AKAP7: variants seen among roughly 807,000 people sequenced by gnomAD.
The protein encoded by AKAP7 is A-kinase anchoring protein 7.
In AKAP7, 39 loss-of-function variants were observed where a neutral mutation model predicts 39.5. The observed-to-expected ratio is 0.99, with a 90% CI of 0.76 to 1.29. AKAP7 has a LOEUF of 1.29. AKAP7 is among the 50% of genes most tolerant of loss of function. The pLI, the probability that AKAP7 is intolerant of heterozygous loss-of-function variation, is 0.00. For missense variants in AKAP7, 414 were observed against 407.7 expected (o/e 1.02, Z -0.13); for synonymous variants, 140 against 139.1 (o/e 1.01, Z -0.05).
At chr6:131,207,517 T>TTTTTTTTTTTTTTTTTTTA (rs1367120493) in intron 6 of AKAP7, among the ~76,000 whole-genome samples, 3 of 141,564 alleles carry the variant, frequency 2.1e-5, no homozygotes, top group African/African-American at 8.2e-5. Flanking sequence ...TTTTTTTTTT[T>TTTTTTTTTTTTTTTTTTTA]AGATATGGGG....
chr6:131,203,891 A>T (rs574203513), intron 6 of AKAP7, among the ~76,000 whole-genome samples: 40 of 152,310 alleles, frequency 2.6e-4, no homozygotes, highest in African/African-American at 9.4e-4. Flanking sequence ...CTTTGGGTGG[A>T]TATGCCAGTA....
intron 4 of AKAP7, among the ~76,000 whole-genome samples, chr6:131,167,159 C>G (rs1399644076): frequency 6.6e-6 from 1 of 152,124 alleles, no homozygotes; most frequent in Non-Finnish European, 1.5e-5. Context: ...ATACTTTTTA[C>G]TTACTTTACC....
intron 7 of AKAP7, among the ~76,000 whole-genome samples, chr6:131,222,217 C>T (rs1809760603): frequency 6.6e-6 from 1 of 152,202 alleles, no homozygotes; most frequent in South Asian, 2.1e-4. Flanking sequence ...GAAGTAACTG[C>T]AGATGTGATA....
intron 5 of AKAP7, among the ~76,000 whole-genome samples, chr6:131,187,341 C>T (rs1476532014): frequency 6.6e-6 from 1 of 151,936 alleles, no homozygotes; most frequent in Non-Finnish European, 1.5e-5. Context: ...TCTTTCACCT[C>T]CTTGGTTAAG....
chr6:131,198,596 T>C (rs1022531792), intron 5 of AKAP7, among the ~76,000 whole-genome samples: 1 of 152,180 alleles, frequency 6.6e-6, no homozygotes, highest in Non-Finnish European at 1.5e-5. Context: ...AAGACTGTTC[T>C]TTTTACCTAA....
At chr6:131,252,044 GCT>G (rs1271206481) in intron 7 of AKAP7, among the ~76,000 whole-genome samples, 1 of 152,186 alleles carries the variant, frequency 6.6e-6, no homozygotes, top group East Asian at 1.9e-4. Context: ...CTGCTCTCCT[GCT>G]CTGTTTCTCT....
chr6:131,245,759 G>A (rs1037477500), intron 7 of AKAP7, among the ~76,000 whole-genome samples: 1 of 152,056 alleles, frequency 6.6e-6, no homozygotes, highest in South Asian at 2.1e-4. Flanking sequence ...CTCTTTTATA[G>A]TTAAAGGTAT....
At position 131,145,481 on chromosome 6, in the gene AKAP7, A is replaced by T. The variant is rs538000961; in HGVS notation, c.151+65A>T. The T allele has an allele frequency of 5.3e-3, 5,855 of 1,094,848 alleles. 24 individuals carry two copies. Among genetic ancestry groups the T allele is most frequent in the Non-Finnish European group, 6.6e-3 (5,471 of 832,902 alleles). 67.8% of individuals were successfully genotyped at this position (1,094,848 alleles called of 1,614,324 possible). Reference sequence around the variant, plus strand: ...GAGTAGTAAATTTAGTTATATATATATTTTTTTCTTTATAAGTTGTTTCAC... The same window carrying T: ...GAGTAGTAAATTTAGTTATATATATTTTTTTTTCTTTATAAGTTGTTTCAC... On this transcript the variant is annotated intron_variant, in intron 2 of 7. Coordinates refer to ENST00000431975, the MANE Select transcript of AKAP7 (RefSeq NM_016377.4).
At chr6:131,241,403 G>A (rs1384299788) in intron 7 of AKAP7, among the ~76,000 whole-genome samples, 1 of 152,002 alleles carries the variant, frequency 6.6e-6, no homozygotes, top group African/African-American at 2.4e-5. Context: ...CAGATTTGGG[G>A]TTTAGACAAC....
intron 2 of AKAP7, among the ~76,000 whole-genome samples, chr6:131,157,010 C>T (rs996224554): frequency 3.3e-5 from 5 of 151,946 alleles, no homozygotes; most frequent in African/African-American, 9.7e-5. Context: ...CTCCTGACCT[C>T]GTGATCCGCC....
upstream of AKAP7, among the ~76,000 whole-genome samples, chr6:131,134,274 G>T (rs924170556): frequency 6.6e-6 from 1 of 152,158 alleles, no homozygotes; most frequent in Admixed American, 6.5e-5. Context: ...GCCCGGCCTG[G>T]TAAAGCTTTA....
chr6:131,201,876 C>G (rs1397339098), intron 6 of AKAP7, among the ~76,000 whole-genome samples: 1 of 152,122 alleles, frequency 6.6e-6, no homozygotes. Flanking sequence ...TTGTTTTTCT[C>G]AGGTTTGTCA....
intron 7 of AKAP7, among the ~76,000 whole-genome samples, chr6:131,242,662 T>G (rs1408283955): frequency 1.3e-5 from 2 of 152,116 alleles, no homozygotes; most frequent in African/African-American, 2.4e-5. Context: ...TTCACTGTGA[T>G]AAAGTGGGCC....
intron 5 of AKAP7, among the ~76,000 whole-genome samples, chr6:131,184,169 C>T (rs1221355748): frequency 6.6e-6 from 1 of 152,216 alleles, no homozygotes. Flanking sequence ...AGAGCTGCCA[C>T]ATCAGCTTGT....
At chr6:131,240,919 C>T (rs1338627189) in intron 7 of AKAP7, among the ~76,000 whole-genome samples, 1 of 152,160 alleles carries the variant, frequency 6.6e-6, no homozygotes, top group Admixed American at 6.6e-5. Context: ...CTGTCCTGCA[C>T]CCACTGTCCT....
At chr6:131,137,306 G>GA (rs1308551671) in intron 1 of AKAP7, 1 of 151,876 alleles carries the variant, frequency 6.6e-6, no homozygotes, top group Non-Finnish European at 1.5e-5. Flanking sequence ...TCACAAAATT[G>GA]AGTAGTCATT....
chr6:131,278,312 A>G (rs976702160), intron 7 of AKAP7, among the ~76,000 whole-genome samples: 15 of 152,336 alleles, frequency 9.8e-5, no homozygotes, highest in Non-Finnish European at 1.3e-4. Flanking sequence ...AATTAAGAAA[A>G]AAACCCAGTG....
At chr6:131,221,899 AT>A (rs1393904580) in intron 7 of AKAP7, among the ~76,000 whole-genome samples, 2 of 152,172 alleles carry the variant, frequency 1.3e-5, no homozygotes, top group Non-Finnish European at 2.9e-5. Context: ...GTTTAGTGTT[AT>A]TTTCATGCTT....
At position 131,169,102 on chromosome 6, in the gene AKAP7, T is replaced by G; in HGVS notation, c.429-11T>G. ...TAATGTGTTACTGAAAAATGTATTA[T>G]TTCTTACTAGTGGTATTGATGCTCT... On this transcript the variant is annotated splice_polypyrimidine_tract_variant and intron_variant, in intron 4 of 7. Coordinates refer to ENST00000431975, the MANE Select transcript of AKAP7 (RefSeq NM_016377.4). The G allele has an allele frequency of 6.3e-7, 1 of 1,593,582 alleles. No homozygotes were observed. Among genetic ancestry groups the G allele is most frequent in the Non-Finnish European group, 8.6e-7 (1 of 1,163,312 alleles).
Sources: gnomAD v4.1 joint callset for allele counts (sites outside exome capture counted in the v4.1 genomes callset) on GRCh38, gnomAD v4.1.1 for gene constraint, MANE v1.5 for transcripts, NCBI Gene and HGNC (gene_info 2026-07-23, HGNC 2026-07-21) for gene names.